ITGA8: variants seen among roughly 807,000 people sequenced by gnomAD.
ITGA8 encodes integrin subunit alpha 8.
In ITGA8, 91 loss-of-function variants were observed where a neutral mutation model predicts 142.3. That is an observed-to-expected ratio of 0.64 (90% confidence interval 0.54 to 0.76). The LOEUF (loss-of-function observed/expected upper bound fraction) is 0.76, where lower values mean the gene tolerates loss of function less well. Ranked by LOEUF, ITGA8 falls within the 30% of genes least tolerant of loss-of-function variation. The probability of loss-of-function intolerance (pLI) is 0.00; values close to 1 mark genes in which losing one functional copy is unlikely to be tolerated. For synonymous variants in ITGA8, 505 were observed against 485.2 expected (o/e 1.04, Z -0.54); for missense variants, 1,406 against 1,327.7 (o/e 1.06, Z -0.92).
At chr10:15,563,731 A>G (rs1834024050) in intron 25 of ITGA8, among the ~76,000 whole-genome samples, 1 of 152,146 alleles carries the variant, frequency 6.6e-6, no homozygotes, top group Non-Finnish European at 1.5e-5. Flanking sequence ...CCTGGCCAAC[A>G]TGGCAAAACC....
intron 26 of ITGA8, among the ~76,000 whole-genome samples, chr10:15,553,986 T>C (rs1023638582): frequency 6.6e-6 from 1 of 151,568 alleles, no homozygotes; most frequent in Non-Finnish European, 1.5e-5. Flanking sequence ...AGAGTGAAAC[T>C]CTTGTCTCAA....
At chr10:15,685,777 G>A (rs573454737) in intron 3 of ITGA8, among the ~76,000 whole-genome samples, 3 of 152,120 alleles carry the variant, frequency 2.0e-5, no homozygotes, top group East Asian at 1.9e-4. Flanking sequence ...AAACATTATC[G>A]GCAAAAATAA....
chr10:15,690,183 G>C (rs1834906858), intron 2 of ITGA8, among the ~76,000 whole-genome samples: 1 of 152,094 alleles, frequency 6.6e-6, no homozygotes, highest in Non-Finnish European at 1.5e-5. Context: ...CCACCTCCCT[G>C]GGGAGTGAAG....
chr10:15,542,631 C>T (rs17137396), intron 27 of ITGA8, among the ~76,000 whole-genome samples: 8,414 of 151,992 alleles, frequency 0.055, 753 homozygotes, highest in African/African-American at 0.19. Flanking sequence ...ATATAAAATC[C>T]ACAGAGGCTG....
chr10:15,584,296 A>AAAAAAG (rs397734249), intron 23 of ITGA8, among the ~76,000 whole-genome samples: 28 of 89,408 alleles, frequency 3.1e-4, no homozygotes, highest in South Asian at 6.3e-4. Flanking sequence ...GACTGTCAAG[A>AAAAAAG]AAAAGAAAAG....
At chr10:15,620,205 TAAAG>T (rs1833463568) in intron 13 of ITGA8, among the ~76,000 whole-genome samples, 1 of 152,132 alleles carries the variant, frequency 6.6e-6, no homozygotes, top group Non-Finnish European at 1.5e-5. Flanking sequence ...AATAATAAAC[TAAAG>T]ATACTAGAGA....
chr10:15,567,817 C>T (rs12220829), intron 25 of ITGA8, among the ~76,000 whole-genome samples: 13,668 of 152,208 alleles, frequency 0.09, 718 homozygotes, highest in African/African-American at 0.13. Flanking sequence ...GGCTGTTGCC[C>T]ACCCTTGATT....
At chr10:15,562,265 A>C (rs1833998292) in intron 25 of ITGA8, among the ~76,000 whole-genome samples, 1 of 152,238 alleles carries the variant, frequency 6.6e-6, no homozygotes, top group Non-Finnish European at 1.5e-5. Flanking sequence ...TAGACAAGGC[A>C]ACGAGGAGGG....
intron 8 of ITGA8, 98 bp from the exon 9 acceptor site, chr10:15,661,020 A>G: frequency 9.0e-7 from 1 of 1,112,404 alleles, no homozygotes; most frequent in Non-Finnish European, 1.4e-6. Context: ...AGTGCTTGTA[A>G]AATGAGTGGC....
At chr10:15,638,330 CTCTG>C (rs1209168710) in intron 13 of ITGA8, among the ~76,000 whole-genome samples, 4 of 152,290 alleles carry the variant, frequency 2.6e-5, no homozygotes, top group Admixed American at 2.0e-4. Flanking sequence ...ATCAGCCCTC[CTCTG>C]TCTGTGAAAG....
At chr10:15,577,017 C>A (rs1834311418) in intron 23 of ITGA8, among the ~76,000 whole-genome samples, 1 of 152,130 alleles carries the variant, frequency 6.6e-6, no homozygotes, top group South Asian at 2.1e-4. Context: ...GAGAGAAGCC[C>A]AGAGAACCTG....
intron 26 of ITGA8, among the ~76,000 whole-genome samples, chr10:15,553,715 A>C (rs1303111064): frequency 6.6e-6 from 1 of 152,192 alleles, no homozygotes; most frequent in East Asian, 1.9e-4. Context: ...AAAAAAAGTT[A>C]TCCAGCTGGG....
intron 26 of ITGA8, among the ~76,000 whole-genome samples, chr10:15,556,715 A>G (rs1420501772): frequency 6.6e-6 from 1 of 152,218 alleles, no homozygotes; most frequent in African/African-American, 2.4e-5. Flanking sequence ...AAATGTTCCA[A>G]TTATGCTCTT....
At chr10:15,577,644 A>G (rs1271196760) in intron 23 of ITGA8, among the ~76,000 whole-genome samples, 3 of 152,202 alleles carry the variant, frequency 2.0e-5, no homozygotes, top group Non-Finnish European at 2.9e-5. Flanking sequence ...CAGGGAAACC[A>G]TGGTAAACAA....
chr10:15,675,534 G>A (rs1834611620), intron 6 of ITGA8, among the ~76,000 whole-genome samples: 1 of 152,136 alleles, frequency 6.6e-6, no homozygotes, highest in Non-Finnish European at 1.5e-5. Flanking sequence ...TATACAACTT[G>A]TTTACCTTAT....
intron 25 of ITGA8, among the ~76,000 whole-genome samples, chr10:15,565,428 A>G (rs2131576111): frequency 6.6e-6 from 1 of 152,158 alleles, no homozygotes. Context: ...CGAGTATTGA[A>G]GGGGCAAGTA....
intron 2 of ITGA8, among the ~76,000 whole-genome samples, chr10:15,702,660 C>A (rs755105605): frequency 9.2e-5 from 14 of 152,148 alleles, no homozygotes; most frequent in Non-Finnish European, 1.8e-4. Flanking sequence ...TTTGGGTTAA[C>A]TTTCTTTCTG....
At chr10:15,649,434 G>A (rs1834045876) in intron 11 of ITGA8, among the ~76,000 whole-genome samples, 1 of 151,818 alleles carries the variant, frequency 6.6e-6, no homozygotes, top group South Asian at 2.1e-4. Context: ...TTCGAGACCA[G>A]CCTGGCCAAT....
At chr10:15,545,471 T>A (rs1833651408) in intron 27 of ITGA8, among the ~76,000 whole-genome samples, 1 of 150,834 alleles carries the variant, frequency 6.6e-6, no homozygotes, top group South Asian at 2.1e-4. Context: ...TGAGTAAACA[T>A]AAATCATTTA....
Sources: gnomAD v4.1 joint callset for allele counts (sites outside exome capture counted in the v4.1 genomes callset) on GRCh38, gnomAD v4.1.1 for gene constraint, MANE v1.5 for transcripts, NCBI Gene and HGNC (gene_info 2026-07-23, HGNC 2026-07-21) for gene names.